SORL1: variants seen among roughly 807,000 people sequenced by gnomAD.
SORL1 encodes sortilin related receptor 1.
In SORL1, 127 loss-of-function variants were observed where a neutral mutation model predicts 273.7. The ratio of observed to expected loss-of-function variants is 0.46; its 90% CI spans 0.40 to 0.54. The LOEUF is 0.54. Among genes scored for constraint, SORL1 ranks in the 20% least tolerant of loss-of-function variants. SORL1 has a pLI of 0.00. For synonymous variants in SORL1, 1,031 were observed against 1,067.4 expected, an observed-to-expected ratio of 0.97 and a Z score of 0.66; for missense variants, 2,494 against 2,846.1, an observed-to-expected ratio of 0.88 and a Z score of 2.81.
chr11:121,588,291 C>A, intron 28 of SORL1, 140 bp downstream of exon 28: 1 of 839,078 alleles, frequency 1.2e-6, no homozygotes, highest in Non-Finnish European at 1.9e-6. Context: ...CCTGGAGTTG[C>A]ACCTCTATTT....
intron 46 of SORL1, among the ~76,000 whole-genome samples, chr11:121,625,549 A>T (rs1402273707): frequency 1.3e-5 from 2 of 152,222 alleles, no homozygotes; most frequent in African/African-American, 4.8e-5. Flanking sequence ...GGGAAACTCT[A>T]GGTTCACAAG....
chr11:121,543,581 A>T lies in SORL1; in HGVS notation c.1719A>T (p.Thr573=). ...YSTNEGETWK[T]FIFSEKPVFV... Reference sequence around the variant, plus strand: ...CCAATGAAGGGGAGACCTGGAAAACATTCATCTTCTCTGAGAAGCCAGTGT... The same window carrying T: ...CCAATGAAGGGGAGACCTGGAAAACTTTCATCTTCTCTGAGAAGCCAGTGT... Residue 573 remains threonine (T), a synonymous_variant, in exon 13 of 48, where the codon ACA becomes ACT. Coordinates refer to ENST00000260197, the MANE Select transcript of SORL1 (RefSeq NM_003105.6). 1 of 1,614,114 alleles carries T rather than the reference A, an allele frequency of 6.2e-7. No individual in the cohort carries two copies. The highest frequency in any genetic ancestry group is 8.5e-7 in the Non-Finnish European group (1 of 1,179,938).
At position 121,550,655 on chromosome 11, in the gene SORL1, C is replaced by G; in HGVS notation, c.2251C>G (p.Pro751Ala). The change falls in exon 16 of 48, where the codon CCC becomes GCC. Residue 751 changes from proline (P) to alanine (A), a missense_variant. Pro to Ala is a conservative substitution (Grantham distance 27, BLOSUM62 -1). Coordinates refer to ENST00000260197, the MANE Select transcript of SORL1 (RefSeq NM_003105.6). This position sits in a 1 kb window ranked among gnomAD's most constrained non-coding sequence, Gnocchi z 5.3. ...AGCGCGACTGGAAGGAGAGCTGGTC[C>G]CCTGTCCCCTGGCAGGTAAGAGAGG... ...VEARLEGELV[P>A]CPLAEENEFI... The G allele has an allele frequency of 6.2e-7, 1 of 1,613,716 alleles. No individual in the cohort carries two copies. Among genetic ancestry groups the G allele is most frequent in the East Asian group, 2.2e-5 (1 of 44,882 alleles).
chr11:121,611,416 C>A, intron 39 of SORL1: 1 of 329,020 alleles, frequency 3.0e-6, no homozygotes, highest in Non-Finnish European at 5.6e-6. Context: ...TGGTTCACAG[C>A]TACAGTGCAA....
chr11:121,459,666 T>C (rs511170), intron 1 of SORL1, among the ~76,000 whole-genome samples: 150,949 of 152,368 alleles, frequency 0.99, 74,793 homozygotes, highest in Middle Eastern at 1. Flanking sequence ...TATCGGGCTT[T>C]GCTAAGGTGG....
intron 12 of SORL1, among the ~76,000 whole-genome samples, chr11:121,541,724 T>C (rs1400948583): frequency 6.6e-6 from 1 of 152,222 alleles, no homozygotes; most frequent in Non-Finnish European, 1.5e-5. Context: ...TGATTTCTCA[T>C]GTCAAGCGTC....
chr11:121,466,618 A>G (rs749910401), intron 1 of SORL1, among the ~76,000 whole-genome samples: 1 of 152,146 alleles, frequency 6.6e-6, no homozygotes, highest in Non-Finnish European at 1.5e-5. Context: ...GGTAGAATGC[A>G]TGTCTTGATA....
intron 25 of SORL1, among the ~76,000 whole-genome samples, chr11:121,578,161 G>A (rs1223562639): frequency 6.6e-6 from 1 of 152,162 alleles, no homozygotes; most frequent in Non-Finnish European, 1.5e-5. Flanking sequence ...CAGCCTCCTT[G>A]AGAAGCTGTT....
rs191948214 is a variant in SORL1 at position 121,543,744 on chromosome 11, T to C, written c.1864+18T>C. The stretch of plus-strand genomic sequence containing the variant: ...TGCCTTGGGTAAGCTGCTGCCTCCT[T>C]GGACCTTTTCACATGGATATGCGTG... On this transcript the variant is annotated intron_variant, in intron 13 of 47. Coordinates refer to ENST00000260197, the MANE Select transcript of SORL1 (RefSeq NM_003105.6). 1.8e-5 allele frequency: 29 copies of C among 1,605,376 alleles called. No individual in the cohort carries two copies. In the Admixed American group the frequency reaches 4.8e-4, roughly 27 times the overall value.
In SORL1 at chr11:121,486,534, T is replaced by C. The variant is rs527800420; in HGVS notation, c.529-1498T>C. Among the ~76,000 whole-genome samples, 456 of 150,576 alleles carry C rather than the reference T, an allele frequency of 3.0e-3. 5 individuals are homozygous for C. The highest frequency in any genetic ancestry group is 0.011 in the African/African-American group (434 of 40,966). On this transcript the variant is annotated intron_variant, in intron 3 of 47. Coordinates refer to ENST00000260197, the MANE Select transcript of SORL1 (RefSeq NM_003105.6). ...TCACTCTGTCGCCCAGGCTGGAGTG[T>C]AGTGGCACGCTCTTGGCTCACTGCA...
At position 121,596,828 on chromosome 11, in the gene SORL1, A is replaced by AT. The variant is rs538727340; in HGVS notation, c.4519+1066dup. On this transcript the variant is annotated intron_variant, in intron 32 of 47. Coordinates refer to ENST00000260197, the MANE Select transcript of SORL1 (RefSeq NM_003105.6). This position sits in a 1 kb window ranked among gnomAD's most constrained non-coding sequence, Gnocchi z 4.3. ...CCACTTTGATCCCTGTTCTGGTCCC[A>AT]TTTTTTTTTTAATCTTAAAATAATG... Among the ~76,000 whole-genome samples, 129 of 147,006 alleles carry AT rather than the reference A, an allele frequency of 8.8e-4. 1 individual carries two copies. Among genetic ancestry groups the AT allele is most frequent in the Non-Finnish European group, 1.1e-3 (70 of 66,382 alleles).
chr11:121,502,281 G>T (rs1486004804), intron 6 of SORL1, among the ~76,000 whole-genome samples: 2 of 151,390 alleles, frequency 1.3e-5, no homozygotes, highest in African/African-American at 4.9e-5. Context: ...GACTACAGGT[G>T]CCCGCCGCCA....
intron 23 of SORL1, among the ~76,000 whole-genome samples, chr11:121,571,674 G>A (rs536610519): frequency 6.0e-4 from 92 of 152,368 alleles, no homozygotes; most frequent in Admixed American, 1.7e-3. Flanking sequence ...CACCCAGAAA[G>A]CAACTTGTGA....
chr11:121,491,502 T>C (rs923602923), intron 5 of SORL1, among the ~76,000 whole-genome samples: 13 of 152,166 alleles, frequency 8.5e-5, no homozygotes, highest in African/African-American at 2.7e-4. Flanking sequence ...CTGATAGATA[T>C]TGCAAACTTG....
chr11:121,627,809 A>T lies in SORL1; in HGVS notation c.6577+42A>T, dbSNP rs765747960. ...GAGTCGGTTCTTCCTCCCAGGGCTG[A>T]CCCCCACGCAGCCAATGACTTGATT... On this transcript the variant is annotated intron_variant, in intron 47 of 47. Transcript: ENST00000260197. This position sits in a 1 kb window ranked among gnomAD's most constrained non-coding sequence, Gnocchi z 4.9. 2 of 1,434,498 alleles carry T rather than the reference A, an allele frequency of 1.4e-6. No individual in the cohort carries two copies. Among genetic ancestry groups the T allele is most frequent in the Non-Finnish European group, 1.9e-6 (2 of 1,032,812 alleles). 88.9% of individuals were successfully genotyped at this position (1,434,498 alleles called of 1,614,324 possible).
At chr11:121,542,371 A>G (rs1862360746) in intron 12 of SORL1, among the ~76,000 whole-genome samples, 5 of 152,168 alleles carry the variant, frequency 3.3e-5, no homozygotes, top group Admixed American at 3.3e-4. Context: ...TTGTTTAGTC[A>G]TTGCATTTGG....
In SORL1 at chr11:121,484,866, A is replaced by G. The variant is rs141550159; in HGVS notation, c.529-3166A>G. 4.7e-3 allele frequency among the ~76,000 whole-genome samples: 717 copies of G among 152,150 alleles called. 7 individuals carry two copies. The highest frequency in any genetic ancestry group is 0.016 in the African/African-American group (683 of 41,506). ...TCTCCCAGGTTCAAGCGATTCTTGCACCTCAGCCTCCTGAGTAGCTGGAAT... is the reference window on the plus strand; with the variant it reads ...TCTCCCAGGTTCAAGCGATTCTTGCGCCTCAGCCTCCTGAGTAGCTGGAAT... On this transcript the variant is annotated intron_variant, in intron 3 of 47. Coordinates refer to ENST00000260197, the MANE Select transcript of SORL1 (RefSeq NM_003105.6).
intron 5 of SORL1, among the ~76,000 whole-genome samples, chr11:121,495,370 A>G (rs964034492): frequency 3.9e-5 from 6 of 152,138 alleles, no homozygotes; most frequent in Admixed American, 3.9e-4. Context: ...TGTTGGGATT[A>G]CAGGTGTGAC....
At position 121,612,844 on chromosome 11, in the gene SORL1, G is replaced by T. The variant is rs199862296; in HGVS notation, c.5419+12G>T. ...ATTGTCACACAAAGGTAACACTTTG[G>T]TGCTGGTCAGTGTGTGTGCAGGAAG... On this transcript the variant is annotated intron_variant, in intron 40 of 47. Coordinates refer to ENST00000260197, the MANE Select transcript of SORL1 (RefSeq NM_003105.6). 2.4e-4 allele frequency: 386 copies of T among 1,581,668 alleles called. 2 individuals carry two copies. The highest frequency in any genetic ancestry group is 1.3e-3 in the South Asian group (119 of 90,228).
Sources: gnomAD v4.1 joint callset for allele counts (sites outside exome capture counted in the v4.1 genomes callset) on GRCh38, gnomAD v4.1.1 for gene constraint, Gnocchi (gnomAD v3.1) non-coding constraint, MANE v1.5 for transcripts, NCBI Gene and HGNC (gene_info 2026-07-23, HGNC 2026-07-21) for gene names.